Variants in NKAIN3 observed in about 807,000 individuals in gnomAD.
NKAIN3 encodes the protein sodium/potassium-transporting ATPase subunit beta-1-interacting protein 3.
A neutral mutation model predicts 30.2 loss-of-function variants in NKAIN3; 25 were observed. The observed-to-expected ratio is 0.83, with a 90% CI of 0.60 to 1.16. The LOEUF is 1.16. NKAIN3 is among the 50% of genes most tolerant of loss of function. NKAIN3 has a pLI of 0.00. For missense variants in NKAIN3, 225 were observed against 254.1 expected, an observed-to-expected ratio of 0.89 and a Z score of 0.78; for synonymous variants, 91 against 89.6, an observed-to-expected ratio of 1.02 and a Z score of -0.09.
intron 5 of NKAIN3, among the ~76,000 whole-genome samples, chr8:62,942,136 C>T (rs1183642416): frequency 6.7e-6 from 1 of 149,818 alleles, no homozygotes; most frequent in Non-Finnish European, 1.5e-5. Flanking sequence ...AGCTGTGAAT[C>T]AAATAAGAAC....
At chr8:62,444,621 A>T (rs1429189165) in intron 1 of NKAIN3, among the ~76,000 whole-genome samples, 1 of 152,204 alleles carries the variant, frequency 6.6e-6, no homozygotes, top group Non-Finnish European at 1.5e-5. Context: ...CCATTAATGG[A>T]CAATTACCTT....
At chr8:62,667,358 T>TAAATATATATA (rs1813151578) in intron 3 of NKAIN3, among the ~76,000 whole-genome samples, 2 of 50,552 alleles carry the variant, frequency 4.0e-5, no homozygotes, top group African/African-American at 3.1e-4. Context: ...TATATATATA[T>TAAATATATATA]CTGTATATAT....
At position 62,886,192 on chromosome 8, in the gene NKAIN3, T is replaced by C. The variant is rs181488547; in HGVS notation, c.472-32261T>C. Among the ~76,000 whole-genome samples, 426 of 152,218 alleles carry C rather than the reference T, an allele frequency of 2.8e-3. 1 individual carries two copies. The highest frequency in any genetic ancestry group is 6.8e-3 in the Middle Eastern group (2 of 294). On this transcript the variant is annotated intron_variant, in intron 4 of 6. Transcript: ENST00000623646. ...TTTTTAGTGATTGCCCTAGACTTTG[T>C]AATATACATTCACAACAATTTCATG... is the stretch of plus-strand genomic sequence containing the variant.
At chr8:62,520,682 A>G (rs976980939) in intron 1 of NKAIN3, among the ~76,000 whole-genome samples, 3 of 152,090 alleles carry the variant, frequency 2.0e-5, no homozygotes, top group African/African-American at 7.2e-5. Flanking sequence ...TCTAAATTAA[A>G]TAAAATTTGA....
At chr8:62,800,015 T>C (rs756706464) in intron 4 of NKAIN3, among the ~76,000 whole-genome samples, 69 of 152,160 alleles carry the variant, frequency 4.5e-4, no homozygotes, top group Non-Finnish European at 4.0e-4. Context: ...ACGCAATGCA[T>C]AAGAATGATA....
intron 3 of NKAIN3, among the ~76,000 whole-genome samples, chr8:62,679,879 A>T (rs966256599): frequency 9.9e-5 from 15 of 152,188 alleles, no homozygotes; most frequent in Admixed American, 3.9e-4. Context: ...GATTCAAGCA[A>T]TATCACATGG....
chr8:62,280,452 C>T (rs1268093864), intron 1 of NKAIN3, among the ~76,000 whole-genome samples: 1 of 152,044 alleles, frequency 6.6e-6, no homozygotes, highest in African/African-American at 2.4e-5. Context: ...TATCTTGTGC[C>T]AGTTTTCAAA....
intron 1 of NKAIN3, among the ~76,000 whole-genome samples, chr8:62,411,127 G>A (rs1020618463): frequency 3.3e-5 from 5 of 152,094 alleles, no homozygotes; most frequent in South Asian, 2.1e-4. Flanking sequence ...TATCCCTGGT[G>A]AACATAGATA....
chr8:62,889,467 A>G (rs1171152364), intron 4 of NKAIN3, among the ~76,000 whole-genome samples: 2 of 152,210 alleles, frequency 1.3e-5, no homozygotes, highest in Non-Finnish European at 2.9e-5. Context: ...GTAATATAGT[A>G]TTGCTGATAA....
In NKAIN3 at chr8:62,821,646, C is replaced by A. The variant is rs139116226; in HGVS notation, c.471+74517C>A. ...TATACTGAAAGTAGAAGACACATAC[C>A]TATGTGTCCTGATCTACATCTTTAA... On this transcript the variant is annotated intron_variant, in intron 4 of 6. Transcript: ENST00000623646. Among the ~76,000 whole-genome samples the A allele has an allele frequency of 1.2e-3, 188 of 152,090 alleles. 1 individual carries two copies. The highest frequency in any genetic ancestry group is 3.4e-3 in the Admixed American group (52 of 15,260).
At chr8:62,485,666 A>G (rs1585860891) in intron 1 of NKAIN3, among the ~76,000 whole-genome samples, 1 of 152,192 alleles carries the variant, frequency 6.6e-6, no homozygotes, top group Non-Finnish European at 1.5e-5. Context: ...AGTGCTGAGG[A>G]CGGGGTGAAG....
At chr8:62,785,947 C>G (rs2130661453) in intron 4 of NKAIN3, among the ~76,000 whole-genome samples, 1 of 152,154 alleles carries the variant, frequency 6.6e-6, no homozygotes, top group African/African-American at 2.4e-5. Flanking sequence ...AACTGAGCAC[C>G]CTCACAACTG....
chr8:62,483,541 A>C (rs1289326737), intron 1 of NKAIN3: 1 of 172,062 alleles, frequency 5.8e-6, no homozygotes, highest in Non-Finnish European at 1.2e-5. Context: ...TCTCAGTACT[A>C]ATTTCCAAGC....
intron 2 of NKAIN3, among the ~76,000 whole-genome samples, chr8:62,585,771 G>A (rs114344940): frequency 9.2e-5 from 14 of 152,160 alleles, no homozygotes; most frequent in African/African-American, 3.4e-4. Context: ...GTTTTGAATG[G>A]GCCTTATGTG....
At chr8:62,750,811 TGGA>T (rs1227553297) in intron 4 of NKAIN3, among the ~76,000 whole-genome samples, 1 of 151,568 alleles carries the variant, frequency 6.6e-6, no homozygotes, top group East Asian at 1.9e-4. Context: ...CATGCTGGAG[TGGA>T]GAAGTCAAAG....
chr8:62,855,265 G>C (rs62510781), intron 4 of NKAIN3: 42,929 of 470,442 alleles, frequency 0.091, 2,310 homozygotes, highest in South Asian at 0.14. Context: ...TGCCAGCCTG[G>C]CCACAGTGTG....
chr8:62,504,396 C>G (rs183771124), intron 1 of NKAIN3, among the ~76,000 whole-genome samples: 1 of 152,266 alleles, frequency 6.6e-6, no homozygotes. Flanking sequence ...ATACTACATT[C>G]TCTCCAATGA....
chr8:62,693,811 C>G (rs1190617857), intron 3 of NKAIN3, among the ~76,000 whole-genome samples: 2 of 151,988 alleles, frequency 1.3e-5, no homozygotes, highest in African/African-American at 4.8e-5. Context: ...TATCACGAAC[C>G]TAGGGGAAAC....
At chr8:62,806,051 A>C (rs139185238) in intron 4 of NKAIN3, among the ~76,000 whole-genome samples, 3 of 152,234 alleles carry the variant, frequency 2.0e-5, no homozygotes, top group Non-Finnish European at 1.5e-5. Context: ...ACACATGAAA[A>C]AATGCTCACC....
Sources: gnomAD v4.1 joint callset for allele counts (sites outside exome capture counted in the v4.1 genomes callset) on GRCh38, gnomAD v4.1.1 for gene constraint, MANE v1.5 for transcripts, NCBI Gene and HGNC (gene_info 2026-07-23, HGNC 2026-07-21) for gene names.